C2CD3: variants seen among roughly 807,000 people sequenced by gnomAD.
C2CD3 encodes the protein C2 domain-containing protein 3.
Under a neutral mutation model 234.0 loss-of-function variants are expected in C2CD3, and 148 were observed. The ratio of observed to expected loss-of-function variants is 0.63; its 90% CI spans 0.55 to 0.72. C2CD3 has a LOEUF of 0.72. Among genes scored for constraint, C2CD3 ranks in the 30% least tolerant of loss-of-function variants. C2CD3 has a pLI of 0.00. For synonymous variants in C2CD3, 1,000 were observed against 1,035.4 expected (o/e 0.97, Z 0.66); for missense variants, 2,577 against 2,811.5 (o/e 0.92, Z 1.89).
chr11:74,077,210 G>C lies in C2CD3; in HGVS notation c.4603+905C>G, dbSNP rs117855449. On this transcript the variant is annotated intron_variant, in intron 23 of 32. Coordinates refer to ENST00000334126, the MANE Select transcript of C2CD3 (RefSeq NM_001286577.2). ...GCTTTTCCATATAATTAATAAACTAGCATTCTAGATGATCAGATAGGCTCT... is the reference window on the plus strand; with the variant it reads ...GCTTTTCCATATAATTAATAAACTACCATTCTAGATGATCAGATAGGCTCT... Among the ~76,000 whole-genome samples, 122 of 151,982 alleles carry C rather than the reference G, an allele frequency of 8.0e-4. 2 individuals carry two copies. The East Asian group carries it at 0.022, about 27-fold the overall frequency.
At chr11:74,057,632 C>T (rs770952535) in intron 24 of C2CD3, 88 bp from the exon 25 acceptor site, 86 of 1,349,628 alleles carry the variant, frequency 6.4e-5, no homozygotes, top group Non-Finnish European at 8.3e-5. Context: ...ATTCCTGGCC[C>T]TCTTCTTCCT....
At chr11:74,046,759 A>T (rs993425196) in intron 28 of C2CD3, among the ~76,000 whole-genome samples, 1 of 152,100 alleles carries the variant, frequency 6.6e-6, no homozygotes, top group Non-Finnish European at 1.5e-5. Context: ...GATATACGAC[A>T]ATTTTGTTAT....
At chr11:74,139,573 A>G in intron 4 of C2CD3, 32 bp downstream of exon 4, 1 of 1,401,430 alleles carries the variant, frequency 7.1e-7, no homozygotes, top group Non-Finnish European at 1.0e-6. Flanking sequence ...CAGTTAACTG[A>G]CAGATTGACT....
At chr11:74,096,856 A>T (rs115628543) in intron 16 of C2CD3, among the ~76,000 whole-genome samples, 132 of 152,330 alleles carry the variant, frequency 8.7e-4, no homozygotes, top group African/African-American at 3.0e-3. Context: ...ATATCTAAGA[A>T]ATAACTGGCC....
At position 74,013,505 on chromosome 11, in the gene C2CD3, C is replaced by T; in HGVS notation, c.6942G>A (p.Arg2314=). The T allele has an allele frequency of 7.3e-7, 1 of 1,369,874 alleles. No homozygotes were observed. The highest frequency in any genetic ancestry group is 1.8e-5 in the South Asian group (1 of 56,402). 84.9% of individuals were successfully genotyped at this position (1,369,874 alleles called of 1,614,324 possible). Residue 2314 remains arginine, a synonymous_variant, in exon 33 of 33, where the codon AGG becomes AGA. Transcript: ENST00000334126. ...GACAAGGCCTTTGGGAGAGAGCTCC[C>T]CTGGTGGCTTCGCTCTTGTCCTGGA... ...TTDQDKSEAT[R]GALSQRPCRP... is the part of the protein sequence containing the mutation.
Position 74,084,904 on chromosome 11 carries a change from T to G in C2CD3, c.3977A>C (p.Lys1326Thr), listed in dbSNP as rs773673554. Residue 1326 changes from lysine to threonine, a missense_variant, in exon 22 of 33, where the codon AAA becomes ACA. Coordinates refer to ENST00000334126, the MANE Select transcript of C2CD3 (RefSeq NM_001286577.2). Reference protein sequence around the residue: ...YLLGVVKVPTKELLIKRSGIT... With the variant: ...YLLGVVKVPTTELLIKRSGIT... Reference sequence around the variant, plus strand: ...ACCAGATCTCTTGATCAGCAGCTCTTTTGTTGGAACTTTTACTACTCCAAG... The same window carrying G: ...ACCAGATCTCTTGATCAGCAGCTCTGTTGTTGGAACTTTTACTACTCCAAG... 17 of 1,609,696 alleles carry G rather than the reference T, an allele frequency of 1.1e-5. No homozygotes were observed. Among genetic ancestry groups the G allele is most frequent in the Admixed American group, 1.7e-5 (1 of 59,984 alleles).
intron 9 of C2CD3, among the ~76,000 whole-genome samples, chr11:74,117,134 A>T (rs1187542964): frequency 1.8e-5 from 1 of 56,436 alleles, no homozygotes; most frequent in African/African-American, 1.2e-4. Context: ...ATATGAATAT[A>T]TATATATGAA....
intron 3 of C2CD3, chr11:74,142,491 A>G (rs536222047): frequency 5.3e-5 from 8 of 152,334 alleles, no homozygotes; most frequent in African/African-American, 1.2e-4. Context: ...AACAATTAAC[A>G]AAAAAGTAAT....
intron 32 of C2CD3, among the ~76,000 whole-genome samples, chr11:74,026,844 G>A (rs1952319507): frequency 6.6e-6 from 1 of 151,180 alleles, no homozygotes; most frequent in Admixed American, 6.6e-5. Flanking sequence ...AGTGGTGCAC[G>A]CCTATAGTCC....
intron 24 of C2CD3, among the ~76,000 whole-genome samples, chr11:74,064,726 A>T (rs1591372627): frequency 6.6e-6 from 1 of 152,224 alleles, no homozygotes; most frequent in Non-Finnish European, 1.5e-5. Context: ...AAACAGAGAT[A>T]TAGACCAATG....
At chr11:74,165,873 T>TA (rs1856772322) in intron 2 of C2CD3, among the ~76,000 whole-genome samples, 1 of 152,100 alleles carries the variant, frequency 6.6e-6, no homozygotes. Flanking sequence ...ATGTGGAATC[T>TA]AATTTTTTTG....
intron 23 of C2CD3, 81 bp downstream of exon 23, chr11:74,078,034 T>C: frequency 6.8e-7 from 1 of 1,474,372 alleles, no homozygotes; most frequent in African/African-American, 1.4e-5. Context: ...AGTAAAGTAA[T>C]GTCTGACAGA....
At chr11:74,112,618 T>C (rs896100956) in intron 11 of C2CD3, among the ~76,000 whole-genome samples, 4 of 152,138 alleles carry the variant, frequency 2.6e-5, no homozygotes, top group Non-Finnish European at 5.9e-5. Flanking sequence ...ACAAAAAGCC[T>C]GATTTGAAAG....
At chr11:74,126,893 C>T (rs1957431072) in intron 7 of C2CD3, among the ~76,000 whole-genome samples, 1 of 152,166 alleles carries the variant, frequency 6.6e-6, no homozygotes, top group African/African-American at 2.4e-5. Context: ...CTATCACTAC[C>T]CTACCCATCA....
At chr11:74,014,834 C>T (rs118130560) in intron 32 of C2CD3, among the ~76,000 whole-genome samples, 1 of 152,250 alleles carries the variant, frequency 6.6e-6, no homozygotes, top group Non-Finnish European at 1.5e-5. Context: ...CTTGAGGGTC[C>T]CTGCCAGTCT....
chr11:74,088,382 T>C (rs190164976), intron 20 of C2CD3, among the ~76,000 whole-genome samples: 5 of 152,324 alleles, frequency 3.3e-5, no homozygotes, highest in Admixed American at 3.3e-4. Context: ...AGCTATAGTG[T>C]CTGATTTCTA....
At chr11:74,108,838 TATC>T in intron 12 of C2CD3, among the ~76,000 whole-genome samples, 193 bp downstream of exon 12, 1 of 151,732 alleles carries the variant, frequency 6.6e-6, no homozygotes, top group African/African-American at 2.4e-5. Flanking sequence ...TTTAGTATTA[TATC>T]TGGCCCATGA....
chr11:74,133,197 T>C (rs756134616), intron 6 of C2CD3, among the ~76,000 whole-genome samples: 1 of 152,204 alleles, frequency 6.6e-6, no homozygotes, highest in Non-Finnish European at 1.5e-5. Flanking sequence ...CATCCAAGGA[T>C]ACCAGTTCGG....
intron 20 of C2CD3, among the ~76,000 whole-genome samples, chr11:74,088,100 G>C (rs545453878): frequency 6.6e-6 from 1 of 152,280 alleles, no homozygotes; most frequent in African/African-American, 2.4e-5. Flanking sequence ...TTTTCAGTAA[G>C]AGGCAATGCA....
Sources: gnomAD v4.1 joint callset for allele counts (sites outside exome capture counted in the v4.1 genomes callset) on GRCh38, gnomAD v4.1.1 for gene constraint, MANE v1.5 for transcripts, NCBI Gene and HGNC (gene_info 2026-07-23, HGNC 2026-07-21) for gene names.